NGF: variants seen among roughly 807,000 people sequenced by gnomAD.
NGF encodes beta-nerve growth factor.
NGF carries 4 observed loss-of-function variants against 12.8 expected under a neutral mutation model. The ratio of observed to expected loss-of-function variants is 0.31; its 90% CI spans 0.15 to 0.72. The LOEUF (loss-of-function observed/expected upper bound fraction) is 0.72. Among genes scored for constraint, NGF ranks in the 30% least tolerant of loss-of-function variants. NGF has a pLI of 0.69. For missense variants in NGF, 283 were observed against 330.8 expected (o/e 0.86, Z 1.12); for synonymous variants, 140 against 130.0 (o/e 1.08, Z -0.52).
chr1:115,319,703 AT>A (rs1056195194), intron 1 of NGF, among the ~76,000 whole-genome samples: 1 of 152,184 alleles, frequency 6.6e-6, no homozygotes, highest in Non-Finnish European at 1.5e-5. Context: ...CAAACAAAAA[AT>A]TGCAGCAGTA....
intron 1 of NGF, among the ~76,000 whole-genome samples, chr1:115,316,624 T>C (rs1654482246): frequency 1.3e-5 from 2 of 152,198 alleles, no homozygotes; most frequent in Admixed American, 1.3e-4. Flanking sequence ...TTTGCTTATG[T>C]AAATATCCAA....
chr1:115,328,961 A>G (rs1437390024), intron 1 of NGF, among the ~76,000 whole-genome samples: 1 of 152,216 alleles, frequency 6.6e-6, no homozygotes, highest in African/African-American at 2.4e-5. Context: ...TGTTTGCCAG[A>G]GAAAAAGCAA....
intron 1 of NGF, among the ~76,000 whole-genome samples, chr1:115,330,215 T>G (rs1654880413): frequency 6.6e-6 from 1 of 152,182 alleles, no homozygotes; most frequent in Non-Finnish European, 1.5e-5. Context: ...AGGACATCAT[T>G]AATAAAATAT....
At chr1:115,299,184 C>T (rs1021275572) in intron 1 of NGF, among the ~76,000 whole-genome samples, 3 of 152,046 alleles carry the variant, frequency 2.0e-5, no homozygotes, top group Admixed American at 6.5e-5. Flanking sequence ...CTTAGGAAGA[C>T]GTTAAGGTTC....
At chr1:115,291,990 T>C (rs1301425042) in intron 2 of NGF, among the ~76,000 whole-genome samples, 1 of 152,134 alleles carries the variant, frequency 6.6e-6, no homozygotes, top group Non-Finnish European at 1.5e-5. Context: ...AGGAAATTCT[T>C]GTGGCCAAGG....
intron 1 of NGF, among the ~76,000 whole-genome samples, chr1:115,337,810 C>T (rs1655178294): frequency 2.0e-5 from 3 of 152,124 alleles, no homozygotes; most frequent in South Asian, 4.1e-4. Flanking sequence ...CGCCCTGGCG[C>T]GCCAGCTGCC....
chr1:115,302,744 G>A (rs1654077326), intron 1 of NGF, among the ~76,000 whole-genome samples: 1 of 152,200 alleles, frequency 6.6e-6, no homozygotes, highest in Non-Finnish European at 1.5e-5. Flanking sequence ...GCGCTAGACT[G>A]ACTGCCACAG....
intron 1 of NGF, among the ~76,000 whole-genome samples, chr1:115,317,334 T>G (rs1320310298): frequency 6.6e-6 from 1 of 152,074 alleles, no homozygotes; most frequent in Non-Finnish European, 1.5e-5. Flanking sequence ...CAATGGAAAG[T>G]TAGTCTGCAG....
Position 115,303,582 on chromosome 1 carries a change from C to T in NGF, c.-136-9832G>A, listed in dbSNP as rs2101035138. On this transcript the variant is annotated intron_variant, in intron 1 of 2. Coordinates refer to ENST00000369512, the MANE Select transcript of NGF (RefSeq NM_002506.3). Reference sequence around the variant, plus strand: ...TCATCACCATCCTCCCCAACACTTCCTCACCACCAACATCCTACCACCACC... The same window carrying T: ...TCATCACCATCCTCCCCAACACTTCTTCACCACCAACATCCTACCACCACC... 1.3e-5 allele frequency among the ~76,000 whole-genome samples: 2 copies of T among 152,222 alleles called. 1 individual carries two copies. Among genetic ancestry groups the T allele is most frequent in the South Asian group, 4.2e-4 (2 of 4,818 alleles).
At chr1:115,337,893 C>T (rs940930639) in intron 1 of NGF, among the ~76,000 whole-genome samples, 4 of 152,182 alleles carry the variant, frequency 2.6e-5, no homozygotes, top group Non-Finnish European at 5.9e-5. Flanking sequence ...CGAGCTAGAC[C>T]CTGGCATGGC....
intron 1 of NGF, among the ~76,000 whole-genome samples, chr1:115,323,173 T>C (rs1361917926): frequency 2.0e-5 from 3 of 152,110 alleles, no homozygotes; most frequent in African/African-American, 7.2e-5. Flanking sequence ...TGTTGCTGAG[T>C]GGCATTTATT....
chr1:115,303,560 T>C (rs61810757), intron 1 of NGF, among the ~76,000 whole-genome samples: 125,645 of 151,830 alleles, frequency 0.83, 52,216 homozygotes, highest in African/African-American at 0.9. Flanking sequence ...ATCATCATCA[T>C]CACCATCCTC....
chr1:115,336,505 C>T (rs1029333345), intron 1 of NGF, among the ~76,000 whole-genome samples: 12 of 152,202 alleles, frequency 7.9e-5, no homozygotes, highest in Admixed American at 4.6e-4. Context: ...CCCCCAGACC[C>T]GCCTGTCTCC....
chr1:115,297,329 C>G (rs528970358), intron 1 of NGF, among the ~76,000 whole-genome samples: 1 of 152,306 alleles, frequency 6.6e-6, no homozygotes, highest in African/African-American at 2.4e-5. Context: ...AGCGCCAACC[C>G]AGAGCCAGTC....
chr1:115,312,806 T>C (rs1654369717), intron 1 of NGF, among the ~76,000 whole-genome samples: 1 of 152,192 alleles, frequency 6.6e-6, no homozygotes, highest in South Asian at 2.1e-4. Context: ...TCAAAAGGGG[T>C]TAGTAAAAAG....
At chr1:115,323,924 A>C (rs1418294895) in intron 1 of NGF, among the ~76,000 whole-genome samples, 1 of 152,160 alleles carries the variant, frequency 6.6e-6, no homozygotes, top group African/African-American at 2.4e-5. Context: ...AGCTGTGTAC[A>C]TGCCACCAGG....
chr1:115,333,655 CT>C (rs1654989557), intron 1 of NGF, among the ~76,000 whole-genome samples: 3 of 135,104 alleles, frequency 2.2e-5, no homozygotes, highest in Admixed American at 7.6e-5. Flanking sequence ...TTCTTTCTTT[CT>C]CTTTCTTTCT....
intron 1 of NGF, among the ~76,000 whole-genome samples, chr1:115,310,427 C>T (rs1654308656): frequency 2.0e-5 from 3 of 152,128 alleles, no homozygotes; most frequent in Admixed American, 1.3e-4. Context: ...TTACTGTTCC[C>T]ACCATGGTGC....
At chr1:115,335,688 T>C (rs1430983755) in intron 1 of NGF, among the ~76,000 whole-genome samples, 1 of 152,262 alleles carries the variant, frequency 6.6e-6, no homozygotes, top group Non-Finnish European at 1.5e-5. Flanking sequence ...GTGAAAGTTC[T>C]TACTTGGAAA....
Sources: gnomAD v4.1 joint callset for allele counts (sites outside exome capture counted in the v4.1 genomes callset) on GRCh38, gnomAD v4.1.1 for gene constraint, MANE v1.5 for transcripts, NCBI Gene and HGNC (gene_info 2026-07-23, HGNC 2026-07-21) for gene names.